DTD2: variants seen among roughly 807,000 people sequenced by gnomAD.
The protein encoded by DTD2 is D-tyrosyl-tRNA deacylase 2 (putative).
Under a neutral mutation model 15.5 loss-of-function variants are expected in DTD2, and 12 were observed. The ratio of observed to expected loss-of-function variants is 0.77; its 90% CI spans 0.50 to 1.25. The LOEUF (loss-of-function observed/expected upper bound fraction) is 1.25. Among genes scored for constraint, DTD2 ranks in the 50% most tolerant of loss-of-function variants. The pLI, the probability that DTD2 is intolerant of heterozygous loss-of-function variation, is 0.00. For synonymous variants in DTD2, 59 were observed against 77.3 expected (o/e 0.76, Z 1.24); for missense variants, 170 against 201.1 (o/e 0.85, Z 0.93).
intron 2 of DTD2, among the ~76,000 whole-genome samples, chr14:31,449,510 G>A (rs2032004669): frequency 6.6e-6 from 1 of 152,160 alleles, no homozygotes; most frequent in Non-Finnish European, 1.5e-5. Context: ...TATTATTTTT[G>A]TAGCATTCGT....
In DTD2 at chr14:31,448,185, T is replaced by C; in HGVS notation, c.451A>G (p.Arg151Gly). The C allele has an allele frequency of 6.2e-7, 1 of 1,614,202 alleles. No homozygotes were observed. The highest frequency in any genetic ancestry group is 8.5e-7 in the Non-Finnish European group (1 of 1,180,030). Residue 151 changes from arginine to glycine, a missense_variant, in exon 3 of 3, where the codon AGG (arginine) becomes GGG (glycine). By Grantham distance (125) the Arg-to-Gly change is moderately radical (BLOSUM62 -2). Coordinates refer to ENST00000310850, the MANE Select transcript of DTD2 (RefSeq NM_080664.3). ...VVVEHGTYGNRQVLKLDTNGP... is the reference protein window; with the variant it reads ...VVVEHGTYGNGQVLKLDTNGP... Reference sequence around the variant, plus strand: ...TTGGTGTCCAGCTTTAACACCTGCCTGTTCCCATAAGTGCCATGTTCCACT... The same window carrying C: ...TTGGTGTCCAGCTTTAACACCTGCCCGTTCCCATAAGTGCCATGTTCCACT...
rs560905233 is a variant in DTD2, at chr14:31,450,512, T to G, written c.182-2058A>C. On this transcript the variant is annotated intron_variant, in intron 2 of 2. Coordinates refer to ENST00000310850, the MANE Select transcript of DTD2 (RefSeq NM_080664.3). The stretch of plus-strand genomic sequence containing the variant: ...TTTAACTGGTTATTATATTCTCAAG[T>G]GATATATGCTTTGATTGGAAATATC... Among the ~76,000 whole-genome samples, 331 of 152,326 alleles carry G rather than the reference T, an allele frequency of 2.2e-3. 1 individual carries two copies. The highest frequency in any genetic ancestry group is 7.5e-3 in the African/African-American group (311 of 41,568).
At position 31,448,058 on chromosome 14, in the gene DTD2, G is replaced by A. The variant is rs2031982705; in HGVS notation, c.*71C>T. 7.6e-7 allele frequency: 1 copy of A among 1,313,946 alleles called. No individual in the cohort carries two copies. The highest frequency in any genetic ancestry group is 2.3e-5 in the East Asian group (1 of 43,164). The allele number at this position is 1,313,946 out of a possible 1,614,324, so 81.4% of individuals were successfully genotyped here. ...GAAGATTAGTATATTCAAGATTAAG[G>A]GGAAGAAAATCTAATTATACTTTAG... On this transcript the variant is annotated 3_prime_UTR_variant, in exon 3 of 3. Transcript: ENST00000310850.
intron 1 of DTD2, among the ~76,000 whole-genome samples, chr14:31,456,264 T>C (rs1342018150): frequency 6.6e-6 from 1 of 152,160 alleles, no homozygotes; most frequent in African/African-American, 2.4e-5. Context: ...CTTGCGCCTG[T>C]TGTCCCAGCT....
chr14:31,456,871 G>T (rs895155837), intron 1 of DTD2, among the ~76,000 whole-genome samples: 1 of 152,050 alleles, frequency 6.6e-6, no homozygotes, highest in Non-Finnish European at 1.5e-5. Flanking sequence ...AGTCAACATA[G>T]GGGGGAATTC....
chr14:31,451,254 T>A (rs2032030002), intron 2 of DTD2, among the ~76,000 whole-genome samples: 1 of 151,664 alleles, frequency 6.6e-6, no homozygotes. Context: ...CTCATGCCAT[T>A]CTCCTGCCTC....
intron 2 of DTD2, 101 bp from the exon 3 acceptor site, chr14:31,448,555 G>T: frequency 9.9e-7 from 1 of 1,008,274 alleles, no homozygotes; most frequent in Non-Finnish European, 1.4e-6. Context: ...AATTCAGTTT[G>T]TCAGCTCATG....
intron 1 of DTD2, among the ~76,000 whole-genome samples, chr14:31,453,835 T>A (rs1478580503): frequency 6.6e-6 from 1 of 152,248 alleles, no homozygotes; most frequent in Non-Finnish European, 1.5e-5. Context: ...TCTATTTCTA[T>A]AAGCTCCAGG....
At chr14:31,452,493 A>C (rs2032048257) in intron 2 of DTD2, 2 of 152,232 alleles carry the variant, frequency 1.3e-5, no homozygotes, top group African/African-American at 4.8e-5. Flanking sequence ...ATACTTGCTT[A>C]CTTTAAACTT....
rs2031982389 is a variant in DTD2 at position 31,448,032 on chromosome 14, T to G, written c.*97A>C. On this transcript the variant is annotated 3_prime_UTR_variant, in exon 3 of 3. Transcript: ENST00000310850. ...CCAAGATTTTCCTGTCTAAAAATGCTGAAGATTAGTATATTCAAGATTAAG... is the reference window on the plus strand; with the variant it reads ...CCAAGATTTTCCTGTCTAAAAATGCGGAAGATTAGTATATTCAAGATTAAG... 9.2e-6 allele frequency: 10 copies of G among 1,091,244 alleles called. No homozygotes were observed. The highest frequency in any genetic ancestry group is 1.3e-5 in the Non-Finnish European group (10 of 756,950). The allele number at this position is 1,091,244 out of a possible 1,614,324, so 67.6% of individuals were successfully genotyped here. A position where few individuals can be genotyped will look rare whatever the true frequency, so the allele number is the denominator to read the frequency against.
chr14:31,457,353 A>T lies in DTD2; in HGVS notation c.41T>A (p.Leu14Gln), dbSNP rs1340013918. ...GSRIPQARAL[L>Q]QQCLHARLQI... Reference sequence around the variant, plus strand: ...CAGCCGGGCGTGCAGGCACTGCTGTAGGAGCGCCCGGGCCTGAGGAATCCG... The same window carrying T: ...CAGCCGGGCGTGCAGGCACTGCTGTTGGAGCGCCCGGGCCTGAGGAATCCG... Residue 14 changes from leucine (L) to glutamine (Q), a missense_variant, in exon 1 of 3, where the codon CTA (leucine) becomes CAA (glutamine). Physicochemically the swap from Leu to Gln is moderately radical, Grantham distance 113. Transcript: ENST00000310850. 1.9e-6 allele frequency: 3 copies of T among 1,590,432 alleles called. No individual in the cohort carries two copies. The highest frequency in any genetic ancestry group is 2.6e-6 in the Non-Finnish European group (3 of 1,170,020).
Position 31,457,503 on chromosome 14 carries a change from G to A in DTD2, c.-110C>T. ...CGGGGCACGACGAAGGGCCTGCGCC[G>A]ATTGCCCAGTGGCCCCGCCCTTAGG... On this transcript the variant is annotated 5_prime_UTR_variant, in exon 1 of 3. Transcript: ENST00000310850. 5.2e-6 allele frequency: 4 copies of A among 762,798 alleles called. No individual in the cohort carries two copies. Among genetic ancestry groups the A allele is most frequent in the South Asian group, 4.6e-5 (2 of 43,372 alleles). 47.3% of individuals were successfully genotyped at this position (762,798 alleles called of 1,614,324 possible).
chr14:31,454,762 C>T (rs144229038), intron 1 of DTD2, among the ~76,000 whole-genome samples: 323 of 152,270 alleles, frequency 2.1e-3, no homozygotes, highest in Middle Eastern at 0.01. Flanking sequence ...TTCCTTATAA[C>T]TTCTTTGGTA....
intron 1 of DTD2, among the ~76,000 whole-genome samples, chr14:31,454,105 T>G (rs1027244657): frequency 6.6e-6 from 1 of 152,234 alleles, no homozygotes; most frequent in Admixed American, 6.5e-5. Context: ...TTTTTGATTC[T>G]GTAAATTAAT....
rs571979543 is a variant in DTD2, at chr14:31,446,350, T to G, written c.*1779A>C. 6.6e-6 allele frequency: 1 copy of G among 152,162 alleles called. No homozygotes were observed. Among genetic ancestry groups the G allele is most frequent in the African/African-American group, 2.4e-5 (1 of 41,446 alleles). The allele number at this position is 152,162 out of a possible 1,614,324, so 9.4% of individuals were successfully genotyped here. On this transcript the variant is annotated 3_prime_UTR_variant, in exon 3 of 3. Coordinates refer to ENST00000310850, the MANE Select transcript of DTD2 (RefSeq NM_080664.3). ...TTACTCTTAAAAAAAAAAAGTATTT[T>G]CAACTCAAGTCAGAGGAGTTTGCCA...
At chr14:31,455,367 C>T (rs1393921917) in intron 1 of DTD2, among the ~76,000 whole-genome samples, 1 of 151,498 alleles carries the variant, frequency 6.6e-6, no homozygotes, top group Non-Finnish European at 1.5e-5. Flanking sequence ...CTGGCTAGCA[C>T]GGTGAAACTC....
At chr14:31,457,141 G>GCCA (rs2032104353) in intron 1 of DTD2, 142 bp downstream of exon 1, 1 of 743,932 alleles carries the variant, frequency 1.3e-6, no homozygotes, top group African/African-American at 1.8e-5. Context: ...GGCCACCGCG[G>GCCA]CCAGCTTCAA....
chr14:31,457,153 C>A, intron 1 of DTD2, 130 bp downstream of exon 1: 1 of 862,422 alleles, frequency 1.2e-6, no homozygotes, highest in Admixed American at 2.3e-5. Flanking sequence ...CAGCTTCAAG[C>A]TGACCCGGTA....
chr14:31,448,212 C>T lies in DTD2; in HGVS notation c.424G>A (p.Val142Ile). ...ANSKCAEARV[V>I]VEHGTYGNRQ... ...TTCCCATAAGTGCCATGTTCCACTA[C>T]AACCCTAGCTTCAGCACACTTGCTA... The change falls in exon 3 of 3, where the codon GTA becomes ATA. Residue 142 changes from valine (V) to isoleucine (I), a missense_variant. By Grantham distance (29) the Val-to-Ile change is conservative (BLOSUM62 3). Coordinates refer to ENST00000310850, the MANE Select transcript of DTD2 (RefSeq NM_080664.3). 6 of 1,614,200 alleles carry T rather than the reference C, an allele frequency of 3.7e-6. No individual in the cohort carries two copies. In the South Asian group the frequency reaches 6.6e-5, roughly 18 times the overall value.
Sources: allele counts gnomAD v4.1 joint callset (sites outside exome capture counted in the v4.1 genomes callset), GRCh38; gene constraint gnomAD v4.1.1; transcripts MANE v1.5; gene names NCBI Gene and HGNC (gene_info 2026-07-23, HGNC 2026-07-21).